MYO3A: variants seen among roughly 807,000 people sequenced by gnomAD.
The protein encoded by MYO3A is myosin-IIIa.
In MYO3A, 180 loss-of-function variants were observed where a neutral mutation model predicts 192.7. The ratio of observed to expected loss-of-function variants is 0.93; its 90% CI spans 0.83 to 1.06. MYO3A has a LOEUF of 1.06. MYO3A is among the 50% of genes least tolerant of loss of function. The pLI, the probability that MYO3A is intolerant of heterozygous loss-of-function variation, is 0.00. For synonymous variants in MYO3A, 628 were observed against 645.3 expected, an observed-to-expected ratio of 0.97 and a Z score of 0.41; for missense variants, 1,896 against 1,905.0, an observed-to-expected ratio of 1.00 and a Z score of 0.09.
intron 4 of MYO3A, among the ~76,000 whole-genome samples, chr10:25,971,138 AG>A (rs2130729493): frequency 6.6e-6 from 1 of 152,252 alleles, no homozygotes; most frequent in South Asian, 2.1e-4. Flanking sequence ...AGAAGAAAGA[AG>A]AACAAGTATT....
At chr10:26,001,701 G>A (rs913900471) in intron 6 of MYO3A, among the ~76,000 whole-genome samples, 1 of 152,164 alleles carries the variant, frequency 6.6e-6, no homozygotes, top group African/African-American at 2.4e-5. Context: ...AAGGAGGAGG[G>A]GCAGGCATGG....
At chr10:26,179,123 A>G (rs1589088783) in intron 31 of MYO3A, among the ~76,000 whole-genome samples, 2 of 42,924 alleles carry the variant, frequency 4.7e-5, no homozygotes, top group African/African-American at 9.8e-5. Flanking sequence ...TTTGAGACGG[A>G]GTTTCACTCT....
intron 20 of MYO3A, among the ~76,000 whole-genome samples, chr10:26,129,648 C>A (rs958619383): frequency 6.6e-6 from 1 of 152,136 alleles, no homozygotes; most frequent in Non-Finnish European, 1.5e-5. Flanking sequence ...TACTTTGAGG[C>A]GTATCTGGCT....
intron 14 of MYO3A, among the ~76,000 whole-genome samples, chr10:26,080,153 A>G (rs557088841): frequency 6.6e-6 from 1 of 152,332 alleles, no homozygotes; most frequent in South Asian, 2.1e-4. Context: ...TTCCTCAGGG[A>G]CAGAGATTAT....
At chr10:25,980,272 C>G (rs1030004257) in intron 4 of MYO3A, among the ~76,000 whole-genome samples, 1 of 150,460 alleles carries the variant, frequency 6.6e-6, no homozygotes. Context: ...CCACATAATG[C>G]TTATAAAATC....
At chr10:26,098,416 T>A (rs1837199064) in intron 17 of MYO3A, among the ~76,000 whole-genome samples, 17 of 152,234 alleles carry the variant, frequency 1.1e-4, no homozygotes, top group Admixed American at 1.0e-3. Context: ...TTTAGTTTAA[T>A]TAGATCCCAT....
chr10:26,154,433 G>A (rs1245537349), intron 24 of MYO3A, among the ~76,000 whole-genome samples: 1 of 152,116 alleles, frequency 6.6e-6, no homozygotes, highest in Non-Finnish European at 1.5e-5. Flanking sequence ...GCCTGCCTCG[G>A]CCTCCCAAAG....
At chr10:26,087,709 C>T (rs1836422764) in intron 14 of MYO3A, among the ~76,000 whole-genome samples, 1 of 152,208 alleles carries the variant, frequency 6.6e-6, no homozygotes, top group South Asian at 2.1e-4. Flanking sequence ...CTGGTTTCCA[C>T]TCCTCCCATT....
intron 31 of MYO3A, 101 bp from the exon 32 acceptor site, chr10:26,193,104 T>A: frequency 2.1e-6 from 2 of 941,922 alleles, no homozygotes; most frequent in South Asian, 2.8e-5. Context: ...AGCCTTAGCC[T>A]CAGTCATATG....
At chr10:26,062,852 A>G (rs1834596761) in intron 10 of MYO3A, among the ~76,000 whole-genome samples, 1 of 151,308 alleles carries the variant, frequency 6.6e-6, no homozygotes, top group Non-Finnish European at 1.5e-5. Context: ...CCACCCTGGA[A>G]AGTGAAAAAG....
In MYO3A at chr10:26,147,410, A is replaced by C. The variant is rs1840536189; in HGVS notation, c.2506-20A>C. On this transcript the variant is annotated intron_variant, in intron 22 of 34. Transcript: ENST00000642920. ...GACAATGACATTGATTGTGATAATT[A>C]TAGCATACTGTATCAACAGGTCCTC... is the stretch of plus-strand genomic sequence containing the variant. 6.2e-6 allele frequency: 10 copies of C among 1,604,454 alleles called. No individual in the cohort carries two copies. Among genetic ancestry groups the C allele is most frequent in the Non-Finnish European group, 8.5e-6 (10 of 1,171,420 alleles).
chr10:26,156,327 G>C (rs931534207), intron 25 of MYO3A, among the ~76,000 whole-genome samples: 6 of 152,178 alleles, frequency 3.9e-5, no homozygotes, highest in African/African-American at 1.4e-4. Context: ...ACACTAAACG[G>C]GATCCAGCCG....
intron 18 of MYO3A, 111 bp from the exon 19 acceptor site, chr10:26,125,287 C>T: frequency 3.2e-6 from 3 of 928,530 alleles, no homozygotes; most frequent in Non-Finnish European, 5.1e-6. Context: ...TACATAATCT[C>T]CACACATTTA....
intron 7 of MYO3A, 134 bp from the exon 8 acceptor site, chr10:26,021,369 A>G: frequency 9.6e-7 from 1 of 1,045,170 alleles, no homozygotes. Context: ...TCTCCTCCTA[A>G]GTTACTGCCT....
At chr10:26,182,604 T>C (rs1447453640) in intron 31 of MYO3A, among the ~76,000 whole-genome samples, 1 of 152,228 alleles carries the variant, frequency 6.6e-6, no homozygotes, top group Non-Finnish European at 1.5e-5. Context: ...TTTTTAAGTT[T>C]GGCTCTCTGG....
chr10:26,209,964 G>C (rs530257508), intron 34 of MYO3A, among the ~76,000 whole-genome samples: 31 of 152,200 alleles, frequency 2.0e-4, no homozygotes, highest in South Asian at 1.2e-3. Context: ...GGAGCCAGGC[G>C]TAGTGGCTCA....
intron 6 of MYO3A, among the ~76,000 whole-genome samples, chr10:26,008,946 C>T (rs1841426151): frequency 1.3e-5 from 2 of 151,700 alleles, no homozygotes; most frequent in South Asian, 2.1e-4. Context: ...TATTGCGGCA[C>T]TATTCACAAT....
rs1401846553 is a variant in MYO3A, at chr10:26,211,834, C to T, written c.4731-9C>T. The T allele has an allele frequency of 1.5e-5, 25 of 1,613,908 alleles. No homozygotes were observed. Among genetic ancestry groups the T allele is most frequent in the South Asian group, 2.2e-5 (2 of 91,010 alleles). The stretch of plus-strand genomic sequence containing the variant: ...AGGTTGACACTTGGGCCCTGGGTTT[C>T]ACTTGCAGGTGCTGGGCGGCGGAGA... On this transcript the variant is annotated splice_polypyrimidine_tract_variant and intron_variant, in intron 34 of 34. Transcript: ENST00000642920.
intron 10 of MYO3A, among the ~76,000 whole-genome samples, chr10:26,039,200 T>C (rs11014923): frequency 0.48 from 69,052 of 143,610 alleles, 17,114 homozygotes; most frequent in Middle Eastern, 0.59. Flanking sequence ...ACCACCAGGC[T>C]CGGCTAATTT....
Sources: gnomAD v4.1 joint callset for allele counts (sites outside exome capture counted in the v4.1 genomes callset) on GRCh38, gnomAD v4.1.1 for gene constraint, MANE v1.5 for transcripts, NCBI Gene and HGNC (gene_info 2026-07-23, HGNC 2026-07-21) for gene names.